The following WDR41 variants were observed in gnomAD, a reference collection of about 807,000 sequenced individuals.
The protein encoded by WDR41 is WD repeat domain 41, also known as WD repeat-containing protein 41.
Under a neutral mutation model 69.3 loss-of-function variants are expected in WDR41, and 63 were observed. The ratio of observed to expected loss-of-function variants is 0.91; its 90% CI spans 0.74 to 1.12. The LOEUF (loss-of-function observed/expected upper bound fraction) is 1.12. Among genes scored for constraint, WDR41 ranks in the 50% most tolerant of loss-of-function variants. The pLI is 0.00. For synonymous variants in WDR41, 185 were observed against 192.1 expected (o/e 0.96, Z 0.31); for missense variants, 543 against 534.5 (o/e 1.02, Z -0.16).
chr5:77,533,945 T>C (rs562961586), intron 1 of WDR41, among the ~76,000 whole-genome samples: 5 of 152,218 alleles, frequency 3.3e-5, no homozygotes, highest in Non-Finnish European at 7.4e-5. Context: ...TTTTGTGGAG[T>C]TGTTACAGTA....
chr5:77,601,996 T>C (rs1744330792), intron 1 of WDR41, among the ~76,000 whole-genome samples: 1 of 152,212 alleles, frequency 6.6e-6, no homozygotes. Context: ...TATTTTGAAA[T>C]ATACAAAACA....
chr5:77,537,203 G>A (rs1240589027), intron 1 of WDR41, among the ~76,000 whole-genome samples: 1 of 152,152 alleles, frequency 6.6e-6, no homozygotes, highest in Non-Finnish European at 1.5e-5. Flanking sequence ...TTCCATGAGA[G>A]CAACCACTGT....
At chr5:77,606,534 G>C (rs924224750) in intron 1 of WDR41, among the ~76,000 whole-genome samples, 4 of 152,304 alleles carry the variant, frequency 2.6e-5, no homozygotes, top group Non-Finnish European at 4.4e-5. Context: ...TAGAGGCTGG[G>C]TGTGGTGGCT....
Position 77,587,915 on chromosome 5 carries a change from T to C in WDR41, c.42+32564A>G, listed in dbSNP as rs1580031709. 2.0e-5 allele frequency among the ~76,000 whole-genome samples: 3 copies of C among 152,244 alleles called. No individual in the cohort carries two copies. The South Asian group carries it at 6.2e-4, about 32-fold the overall frequency. On this transcript the variant is annotated intron_variant, in intron 1 of 5. Coordinates refer to the WDR41 transcript ENST00000509971. ...CCATCTCCAAGTCAAGGAGAAAGGC[T>C]TCAGAGGAAACCAGTTCTACCAATA...
At chr5:77,540,663 C>T (rs1991448) in intron 1 of WDR41, 34,674 of 147,994 alleles carry the variant, frequency 0.23, 4,750 homozygotes, top group Non-Finnish European at 0.31. Flanking sequence ...GCCATGATCA[C>T]GCCACTGCAC....
chr5:77,463,409 TA>T (rs1800155828), intron 3 of WDR41, among the ~76,000 whole-genome samples, 183 bp from the exon 4 acceptor site: 1 of 152,176 alleles, frequency 6.6e-6, no homozygotes, highest in African/African-American at 2.4e-5. Flanking sequence ...CAGCCATAAC[TA>T]TAGTTTTATT....
At chr5:77,469,613 A>C (rs1010432099) in intron 2 of WDR41, among the ~76,000 whole-genome samples, 3 of 152,212 alleles carry the variant, frequency 2.0e-5, no homozygotes, top group Non-Finnish European at 4.4e-5. Flanking sequence ...ACACCCATCA[A>C]TAATCACTGC....
At chr5:77,475,052 G>A (rs1481616394) in intron 2 of WDR41, among the ~76,000 whole-genome samples, 1 of 152,204 alleles carries the variant, frequency 6.6e-6, no homozygotes, top group Non-Finnish European at 1.5e-5. Context: ...AGAAAGGGGT[G>A]ACAGACGGCA....
At chr5:77,610,314 G>T (rs1486865298) in intron 1 of WDR41, among the ~76,000 whole-genome samples, 1 of 152,132 alleles carries the variant, frequency 6.6e-6, no homozygotes, top group Non-Finnish European at 1.5e-5. Flanking sequence ...ACACCACAAA[G>T]ATATTCCTCA....
At chr5:77,542,430 TAAA>T (rs1743107453) in intron 1 of WDR41, among the ~76,000 whole-genome samples, 1 of 152,080 alleles carries the variant, frequency 6.6e-6, no homozygotes, top group African/African-American at 2.4e-5. Context: ...TCCCTGAACT[TAAA>T]ATAAAAGTTG....
intron 1 of WDR41, among the ~76,000 whole-genome samples, chr5:77,557,394 C>T (rs541058078): frequency 1.3e-4 from 20 of 152,192 alleles, no homozygotes; most frequent in African/African-American, 4.8e-4. Context: ...CTATAAGTCA[C>T]CAGAGAAACA....
intron 1 of WDR41, among the ~76,000 whole-genome samples, chr5:77,565,658 C>A (rs1414623743): frequency 6.6e-6 from 1 of 152,022 alleles, no homozygotes; most frequent in Admixed American, 6.6e-5. Context: ...CCAATATAAA[C>A]CTCCTCCTTC....
intron 8 of WDR41, among the ~76,000 whole-genome samples, chr5:77,447,981 C>G (rs1403643255): frequency 2.0e-5 from 3 of 152,048 alleles, no homozygotes; most frequent in Admixed American, 2.0e-4. Context: ...CTTTTTTCCC[C>G]TTACGAATTT....
At chr5:77,466,859 GA>G (rs1231464504) in intron 2 of WDR41, among the ~76,000 whole-genome samples, 1 of 149,656 alleles carries the variant, frequency 6.7e-6, no homozygotes, top group Non-Finnish European at 1.5e-5. Context: ...CCCTAAAGAG[GA>G]AACATTAAGC....
chr5:77,538,821 C>T lies in WDR41; in HGVS notation c.43-49249G>A, dbSNP rs1252340930. The stretch of plus-strand genomic sequence containing the variant: ...AATCAGGATAATTATATTGGCCACT[C>T]AAGTAATGACTGGTAAACTAGAGAG... On this transcript the variant is annotated intron_variant, in intron 1 of 5. Transcript: ENST00000509971. 3.3e-5 allele frequency among the ~76,000 whole-genome samples: 5 copies of T among 152,196 alleles called. No individual in the cohort carries two copies. The South Asian group carries it at 1.0e-3, about 32-fold the overall frequency.
At chr5:77,502,247 A>C (rs1225393878) in intron 1 of WDR41, among the ~76,000 whole-genome samples, 1 of 152,208 alleles carries the variant, frequency 6.6e-6, no homozygotes, top group Non-Finnish European at 1.5e-5. Flanking sequence ...TAGCCAATTC[A>C]ATCAAATGGA....
chr5:77,465,988 T>C (rs551931458), intron 2 of WDR41, among the ~76,000 whole-genome samples: 1 of 152,090 alleles, frequency 6.6e-6, no homozygotes, highest in Admixed American at 6.5e-5. Flanking sequence ...CAATACTCAG[T>C]TCTTATTTCA....
upstream of WDR41, among the ~76,000 whole-genome samples, chr5:77,496,706 A>G (rs1402322941): frequency 6.6e-6 from 1 of 152,138 alleles, no homozygotes; most frequent in Admixed American, 6.6e-5. Context: ...CTCCAGATTC[A>G]ATGCAATCTC....
chr5:77,500,065 G>A (rs1801994145), intron 1 of WDR41, among the ~76,000 whole-genome samples: 1 of 152,074 alleles, frequency 6.6e-6, no homozygotes, highest in African/African-American at 2.4e-5. Context: ...GGCATATGGA[G>A]AAACACAAAA....
Sources: allele counts gnomAD v4.1 joint callset (sites outside exome capture counted in the v4.1 genomes callset), GRCh38; gene constraint gnomAD v4.1.1; transcripts MANE v1.5; gene names NCBI Gene and HGNC (gene_info 2026-07-23, HGNC 2026-07-21).